Variants in ORC5 observed in about 807,000 individuals in gnomAD.
ORC5 encodes origin recognition complex subunit 5.
ORC5 carries 39 observed loss-of-function variants against 58.8 expected under a neutral mutation model. The observed-to-expected ratio is 0.66, with a 90% CI of 0.51 to 0.87. The LOEUF (loss-of-function observed/expected upper bound fraction) is 0.87, where lower values mean the gene tolerates loss of function less well. Among genes scored for constraint, ORC5 ranks in the 40% least tolerant of loss-of-function variants. The probability of loss-of-function intolerance (pLI) is 0.00; values close to 1 mark genes in which losing one functional copy is unlikely to be tolerated. For synonymous variants in ORC5, 218 were observed against 177.6 expected, an observed-to-expected ratio of 1.23 and a Z score of -1.81; for missense variants, 493 against 506.3, an observed-to-expected ratio of 0.97 and a Z score of 0.25.
intron 13 of ORC5, among the ~76,000 whole-genome samples, chr7:104,130,158 A>G (rs1273630125): frequency 6.6e-6 from 1 of 152,188 alleles, no homozygotes; most frequent in African/African-American, 2.4e-5. Flanking sequence ...AAGAAAAACA[A>G]TTGAAAATGT....
intron 5 of ORC5, among the ~76,000 whole-genome samples, chr7:104,189,849 A>T (rs1463950274): frequency 6.6e-6 from 1 of 152,152 alleles, no homozygotes; most frequent in Non-Finnish European, 1.5e-5. Flanking sequence ...AAACCTGAGG[A>T]GGGGCTCATG....
chr7:104,191,016 AC>A (rs1241837124), intron 5 of ORC5, among the ~76,000 whole-genome samples: 1 of 151,356 alleles, frequency 6.6e-6, no homozygotes, highest in African/African-American at 2.4e-5. Flanking sequence ...ACAGAAGTTG[AC>A]AAAAAAAATT....
chr7:104,188,947 C>A (rs978317127), intron 5 of ORC5, among the ~76,000 whole-genome samples: 2 of 152,116 alleles, frequency 1.3e-5, no homozygotes. Flanking sequence ...CACCATGATT[C>A]CAAGTTTCCT....
At chr7:104,207,642 AGACT>A (rs766983631) in intron 1 of ORC5, among the ~76,000 whole-genome samples, 187 bp downstream of exon 1, 7 of 152,226 alleles carry the variant, frequency 4.6e-5, no homozygotes, top group Non-Finnish European at 8.8e-5. Flanking sequence ...GGTCGCTCTC[AGACT>A]GTCTCCTCTT....
chr7:104,167,104 A>C (rs117481770), intron 9 of ORC5, among the ~76,000 whole-genome samples: 2,193 of 152,240 alleles, frequency 0.014, 56 homozygotes, highest in South Asian at 0.12. Flanking sequence ...GGCTCTTCTC[A>C]TTCTGAAGTC....
intron 11 of ORC5, among the ~76,000 whole-genome samples, chr7:104,162,597 A>C (rs182139020): frequency 2.0e-4 from 30 of 152,338 alleles, no homozygotes; most frequent in Admixed American, 3.3e-4. Context: ...TGAAGTTTTT[A>C]CCTCGGCTAG....
intron 12 of ORC5, among the ~76,000 whole-genome samples, chr7:104,137,269 CAA>C (rs58837683): frequency 9.4e-4 from 125 of 132,608 alleles, no homozygotes; most frequent in East Asian, 3.1e-3. Flanking sequence ...AATGTGCCTA[CAA>C]AAAAAAAAAA....
chr7:104,179,953 T>TA, intron 8 of ORC5, among the ~76,000 whole-genome samples: 1 of 152,348 alleles, frequency 6.6e-6, no homozygotes, highest in East Asian at 1.9e-4. Context: ...ACTCTGCTGT[T>TA]AAAGTCTAAC....
chr7:104,170,812 T>C (rs1040700952), intron 8 of ORC5, among the ~76,000 whole-genome samples: 6 of 152,194 alleles, frequency 3.9e-5, no homozygotes, highest in Admixed American at 6.5e-5. Context: ...TTAACTCCAA[T>C]CCATTGTTCT....
intron 5 of ORC5, among the ~76,000 whole-genome samples, 198 bp downstream of exon 5, chr7:104,194,945 C>G (rs934081621): frequency 6.6e-6 from 1 of 152,046 alleles, no homozygotes; most frequent in Admixed American, 6.6e-5. Context: ...CTTTGATATT[C>G]CCATTTGAAT....
Position 104,183,078 on chromosome 7 carries a change from T to C in ORC5, c.824+865A>G, listed in dbSNP as rs1799468987. On this transcript the variant is annotated intron_variant, in intron 8 of 13. Coordinates refer to ENST00000297431, the MANE Select transcript of ORC5 (RefSeq NM_002553.4). ...TGAACCCAGGAGGCAGAGGTTGCAG[T>C]ATGCCAAGATTGCGCCATTGCACTC... 2.0e-5 allele frequency among the ~76,000 whole-genome samples: 3 copies of C among 152,278 alleles called. No homozygotes were observed. The South Asian group carries it at 6.2e-4, about 32-fold the overall frequency.
intron 12 of ORC5, among the ~76,000 whole-genome samples, chr7:104,137,195 TG>T (rs2115753545): frequency 1.3e-5 from 2 of 150,796 alleles, no homozygotes; most frequent in African/African-American, 4.9e-5. Flanking sequence ...TTCAAATTCT[TG>T]GGCTCAAGTG....
At chr7:104,130,446 C>T (rs913163046) in intron 13 of ORC5, among the ~76,000 whole-genome samples, 1 of 152,156 alleles carries the variant, frequency 6.6e-6, no homozygotes, top group African/African-American at 2.4e-5. Context: ...ATGTTTAACT[C>T]TCTACTGTAC....
At chr7:104,126,960 G>A (rs1303656779) in intron 13 of ORC5, 67 bp from the exon 14 acceptor site, 1 of 1,137,516 alleles carries the variant, frequency 8.8e-7, no homozygotes. Context: ...GTATGATTCT[G>A]GAAAGCACAT....
intron 5 of ORC5, among the ~76,000 whole-genome samples, chr7:104,191,939 C>T (rs1388172427): frequency 6.6e-6 from 1 of 152,068 alleles, no homozygotes; most frequent in Non-Finnish European, 1.5e-5. Context: ...CTCTAATAAT[C>T]AATTAAAAAC....
intron 8 of ORC5, among the ~76,000 whole-genome samples, chr7:104,176,031 T>A (rs1485991126): frequency 6.6e-6 from 1 of 152,228 alleles, no homozygotes; most frequent in African/African-American, 2.4e-5. Context: ...TGGTACACAG[T>A]CTTCATAAGA....
chr7:104,164,721 A>G (rs1799078504), intron 11 of ORC5, among the ~76,000 whole-genome samples: 1 of 152,150 alleles, frequency 6.6e-6, no homozygotes, highest in Non-Finnish European at 1.5e-5. Flanking sequence ...CCACCTTCAA[A>G]AGTACTTAGT....
intron 13 of ORC5, among the ~76,000 whole-genome samples, chr7:104,134,394 G>A (rs1031456641): frequency 4.9e-5 from 6 of 121,236 alleles, no homozygotes; most frequent in Admixed American, 2.3e-4. Context: ...CAGCCTGGGC[G>A]ACAGAGCAAG....
chr7:104,136,773 C>G lies in ORC5; in HGVS notation c.1262+8G>C. 6.4e-7 allele frequency: 1 copy of G among 1,553,380 alleles called. No homozygotes were observed. Among genetic ancestry groups the G allele is most frequent in the Non-Finnish European group, 8.9e-7 (1 of 1,125,226 alleles). ...TAGTATATCATTACATAATTCAAGACATTTTACCTTGCAATAGCTCTGATG... is the reference window on the plus strand; with the variant it reads ...TAGTATATCATTACATAATTCAAGAGATTTTACCTTGCAATAGCTCTGATG... On this transcript the variant is annotated splice_region_variant and intron_variant, in intron 13 of 13. Coordinates refer to ENST00000297431, the MANE Select transcript of ORC5 (RefSeq NM_002553.4). The surrounding 1 kb of genome is among the most constrained non-coding windows in gnomAD (Gnocchi z 4.2).
Sources: allele counts gnomAD v4.1 joint callset (sites outside exome capture counted in the v4.1 genomes callset), GRCh38; gene constraint gnomAD v4.1.1; non-coding constraint Gnocchi (gnomAD v3.1); transcripts MANE v1.5; gene names NCBI Gene and HGNC (gene_info 2026-07-23, HGNC 2026-07-21).